The following SGCZ variants were observed in gnomAD, a reference collection of about 807,000 sequenced individuals.
SGCZ encodes zeta-sarcoglycan.
Under a neutral mutation model 41.3 loss-of-function variants are expected in SGCZ, and 40 were observed. That is an observed-to-expected ratio of 0.97 (90% confidence interval 0.75 to 1.26). The LOEUF (loss-of-function observed/expected upper bound fraction) is 1.26. Ranked by LOEUF, SGCZ falls within the 50% of genes most tolerant of loss-of-function variation. The probability of loss-of-function intolerance (pLI) is 0.00; values close to 1 mark genes in which losing one functional copy is unlikely to be tolerated. For missense variants in SGCZ, 552 were observed against 369.8 expected (o/e 1.49, Z -4.04); for synonymous variants, 206 against 137.5 (o/e 1.50, Z -3.49).
intron 1 of SGCZ, among the ~76,000 whole-genome samples, chr8:15,082,713 G>A (rs1200730993): frequency 6.6e-6 from 1 of 152,084 alleles, no homozygotes; most frequent in Non-Finnish European, 1.5e-5. Flanking sequence ...GAGGACCTTT[G>A]TTACTTTGAG....
chr8:14,125,458 C>G (rs1310407607), intron 5 of SGCZ, among the ~76,000 whole-genome samples: 1 of 149,706 alleles, frequency 6.7e-6, no homozygotes, highest in Non-Finnish European at 1.5e-5. Context: ...GAGCCGAGAT[C>G]ACGCCACTGC....
chr8:14,501,406 C>T (rs56179829), intron 2 of SGCZ, among the ~76,000 whole-genome samples: 137 of 152,006 alleles, frequency 9.0e-4, no homozygotes, highest in Non-Finnish European at 1.8e-3. Flanking sequence ...ATTTTGTGTA[C>T]AATCCTTGAT....
chr8:14,669,585 G>A lies in SGCZ; in HGVS notation c.40-114659C>T, dbSNP rs1204761790. Among the ~76,000 whole-genome samples, 5 of 151,890 alleles carry A rather than the reference G, an allele frequency of 3.3e-5. No homozygotes were observed. The East Asian group carries it at 9.7e-4, about 29-fold the overall frequency. On this transcript the variant is annotated intron_variant, in intron 1 of 7. Transcript: ENST00000382080. ...AAGATCATGCAGTATTTGTCTTCTT[G>A]TATCTGAATTATTTCACTTAGCAGA...
chr8:14,717,661 C>A (rs1809736377), intron 1 of SGCZ, among the ~76,000 whole-genome samples: 1 of 152,082 alleles, frequency 6.6e-6, no homozygotes, highest in Non-Finnish European at 1.5e-5. Context: ...GTAGTCATTA[C>A]ATTCTTAATA....
intron 1 of SGCZ, among the ~76,000 whole-genome samples, chr8:15,183,719 G>A (rs928281406): frequency 2.0e-5 from 3 of 152,100 alleles, no homozygotes; most frequent in Non-Finnish European, 4.4e-5. Context: ...AATATACCGG[G>A]ATAGCTTTCC....
At chr8:14,912,097 C>A (rs549947436) in intron 1 of SGCZ, among the ~76,000 whole-genome samples, 1 of 151,870 alleles carries the variant, frequency 6.6e-6, no homozygotes, top group Admixed American at 6.6e-5. Flanking sequence ...TTTCTAGACA[C>A]GTAAGCACCA....
intron 1 of SGCZ, among the ~76,000 whole-genome samples, chr8:14,690,074 G>T (rs1368057014): frequency 6.6e-6 from 1 of 150,424 alleles, no homozygotes; most frequent in Non-Finnish European, 1.5e-5. Flanking sequence ...AGACAAATTC[G>T]TGCCACAAAT....
intron 3 of SGCZ, among the ~76,000 whole-genome samples, chr8:14,301,316 G>C (rs559199553): frequency 6.6e-6 from 1 of 151,898 alleles, no homozygotes; most frequent in African/African-American, 2.4e-5. Flanking sequence ...TCTGATAAAA[G>C]TATAGGATTA....
intron 3 of SGCZ, among the ~76,000 whole-genome samples, chr8:14,298,695 T>G (rs1040691415): frequency 2.0e-5 from 3 of 152,012 alleles, no homozygotes; most frequent in Admixed American, 1.3e-4. Flanking sequence ...GAAGCCTAAT[T>G]ACATGGATAA....
intron 1 of SGCZ, among the ~76,000 whole-genome samples, chr8:14,770,484 A>C (rs1800198384): frequency 6.6e-6 from 1 of 151,832 alleles, no homozygotes; most frequent in Non-Finnish European, 1.5e-5. Flanking sequence ...GCCATAAGGA[A>C]ACTGAAATAT....
At chr8:14,293,521 A>C (rs1027702282) in intron 3 of SGCZ, among the ~76,000 whole-genome samples, 31 of 152,122 alleles carry the variant, frequency 2.0e-4, no homozygotes, top group African/African-American at 7.5e-4. Flanking sequence ...TTTAACTCCG[A>C]ATGAAATTTG....
chr8:14,683,702 C>T (rs1808518070), intron 1 of SGCZ, among the ~76,000 whole-genome samples: 1 of 152,080 alleles, frequency 6.6e-6, no homozygotes, highest in Non-Finnish European at 1.5e-5. Flanking sequence ...GTGTATAATT[C>T]TTCACTTAAT....
chr8:14,958,185 G>C (rs912562337), intron 1 of SGCZ, among the ~76,000 whole-genome samples: 2 of 151,846 alleles, frequency 1.3e-5, no homozygotes, highest in African/African-American at 4.8e-5. Context: ...AACAAAAAGA[G>C]TAACAGTTTA....
rs552493555 is a variant in SGCZ, at chr8:14,654,949, A to G, written c.40-100023T>C. ...CAAAGTGCTGGGACTACAGGCAGGA[A>G]GCCACTGCACTGGCCCCATCATTAC... On this transcript the variant is annotated intron_variant, in intron 1 of 7. Transcript: ENST00000382080. Among the ~76,000 whole-genome samples, 7 of 152,180 alleles carry G rather than the reference A, an allele frequency of 4.6e-5. No individual in the cohort carries two copies. The South Asian group carries it at 1.5e-3, about 32-fold the overall frequency.
intron 1 of SGCZ, among the ~76,000 whole-genome samples, chr8:14,840,269 G>A (rs1006653912): frequency 6.6e-6 from 1 of 152,072 alleles, no homozygotes; most frequent in African/African-American, 2.4e-5. Context: ...CTATTATATT[G>A]CAAGGGATTG....
intron 1 of SGCZ, among the ~76,000 whole-genome samples, chr8:14,596,253 G>C (rs1055090764): frequency 6.6e-5 from 10 of 152,146 alleles, no homozygotes; most frequent in Non-Finnish European, 1.3e-4. Flanking sequence ...CTCCAATTAG[G>C]TTATGGCAAA....
At position 14,294,390 on chromosome 8, in the gene SGCZ, T is replaced by C. The variant is rs552609870; in HGVS notation, c.336+29713A>G. 6.3e-4 allele frequency among the ~76,000 whole-genome samples: 96 copies of C among 151,930 alleles called. 1 individual carries two copies. The highest frequency in any genetic ancestry group is 2.1e-3 in the Admixed American group (32 of 15,222). ...GAGTTGGAATTGCAAGGCAAGCAACTACCCAAAAATCTAAGGAAAGAAAGG... is the reference window on the plus strand; with the variant it reads ...GAGTTGGAATTGCAAGGCAAGCAACCACCCAAAAATCTAAGGAAAGAAAGG... On this transcript the variant is annotated intron_variant, in intron 3 of 7. Transcript: ENST00000382080.
At chr8:14,132,082 T>C (rs1803057970) in intron 5 of SGCZ, among the ~76,000 whole-genome samples, 1 of 152,192 alleles carries the variant, frequency 6.6e-6, no homozygotes, top group Non-Finnish European at 1.5e-5. Context: ...GATACATATA[T>C]TGGTCCATGT....
intron 3 of SGCZ, among the ~76,000 whole-genome samples, chr8:14,239,582 A>G (rs893541760): frequency 1.3e-5 from 2 of 152,158 alleles, no homozygotes; most frequent in Admixed American, 6.5e-5. Flanking sequence ...GTAAAACACC[A>G]TAAGCATTTG....
Sources: gnomAD v4.1 joint callset for allele counts (sites outside exome capture counted in the v4.1 genomes callset) on GRCh38, gnomAD v4.1.1 for gene constraint, MANE v1.5 for transcripts, NCBI Gene and HGNC (gene_info 2026-07-23, HGNC 2026-07-21) for gene names.